Variants in CRYBG2 observed in about 807,000 individuals in gnomAD.
CRYBG2 encodes the protein crystallin beta-gamma domain containing 2.
Under a neutral mutation model 153.4 loss-of-function variants are expected in CRYBG2, and 106 were observed. That is an observed-to-expected ratio of 0.69 (90% CI 0.59 to 0.81). The LOEUF (loss-of-function observed/expected upper bound fraction) is 0.81, where lower values mean the gene tolerates loss of function less well. Ranked by LOEUF, CRYBG2 falls within the 30% of genes least tolerant of loss-of-function variation. The pLI, the probability that CRYBG2 is intolerant of heterozygous loss-of-function variation, is 0.00. For missense variants in CRYBG2, 1,996 were observed against 2,112.0 expected (o/e 0.95, Z 1.08); for synonymous variants, 851 against 877.8 (o/e 0.97, Z 0.54).
chr1:26,334,867 A>T (rs2074035937), intron 14 of CRYBG2, among the ~76,000 whole-genome samples: 1 of 152,150 alleles, frequency 6.6e-6, no homozygotes, highest in African/African-American at 2.4e-5. Flanking sequence ...GGCTGCAGTG[A>T]GCTGAGACAG....
At chr1:26,331,434 C>T in intron 15 of CRYBG2, 55 bp downstream of exon 15, 6 of 1,590,496 alleles carry the variant, frequency 3.8e-6, no homozygotes, top group Non-Finnish European at 4.3e-6. Context: ...TCCAGAAGTC[C>T]CACAGCAGCA....
rs1353329122 is a variant in CRYBG2 at position 26,336,158 on chromosome 1, T to G, written c.4121A>C (p.Glu1374Ala). ...PDFLGDHFSF[E>A]DDQAALPASF... The stretch of plus-strand genomic sequence containing the variant: ...GGCGGGCAGAGCGGCCTGGTCATCT[T>G]CGAAAGAGAAGTGGTCGCCCAGAAA... Residue 1374 changes from glutamate (E) to alanine (A), a missense_variant, in exon 14 of 20, where the codon GAA (glutamate) becomes GCA (alanine). Physicochemically the swap from Glu to Ala is moderately radical, Grantham distance 107. Coordinates refer to ENST00000308182, the MANE Select transcript of CRYBG2 (RefSeq NM_001039775.4). This position sits in a 1 kb window ranked among gnomAD's most constrained non-coding sequence, Gnocchi z 4.9. The G allele has an allele frequency of 1.3e-6, 2 of 1,545,150 alleles. No homozygotes were observed. Among genetic ancestry groups the G allele is most frequent in the East Asian group, 4.8e-5 (2 of 41,368 alleles).
rs1305399244 is a variant in CRYBG2 at position 26,328,308 on chromosome 1, G to A, written c.4479C>T (p.Asp1493=). 6.4e-7 allele frequency: 1 copy of A among 1,572,226 alleles called. No homozygotes were observed. The highest frequency in any genetic ancestry group is 1.8e-5 in the Admixed American group (1 of 54,662). Reference sequence around the variant, plus strand: ...CCACCAGCCACTGGCGGCCCCGGAAGTCACTGTGTTCACATAGCACCCAAC... The same window carrying A: ...CCACCAGCCACTGGCGGCCCCGGAAATCACTGTGTTCACATAGCACCCAAC... ...GGIWVLCEHS[D]FRGRQWLVGS... is the part of the protein sequence containing the mutation. The change falls in exon 17 of 20, where the codon GAC becomes GAT. Residue 1493 remains aspartate (D), a synonymous_variant. Transcript: ENST00000308182.
chr1:26,351,691 C>T (rs1049665701), intron 1 of CRYBG2, among the ~76,000 whole-genome samples: 1 of 152,194 alleles, frequency 6.6e-6, no homozygotes, highest in Non-Finnish European at 1.5e-5. Context: ...CCCTGGACAA[C>T]ACCCCTGATA....
At chr1:26,348,703 G>A (rs929237372) in intron 1 of CRYBG2, among the ~76,000 whole-genome samples, 4 of 151,976 alleles carry the variant, frequency 2.6e-5, no homozygotes, top group African/African-American at 9.7e-5. Context: ...TTACAGGCAT[G>A]TGCCACCATG....
At chr1:26,348,417 C>T (rs1250829741) in intron 1 of CRYBG2, among the ~76,000 whole-genome samples, 1 of 152,086 alleles carries the variant, frequency 6.6e-6, no homozygotes, top group Non-Finnish European at 1.5e-5. Context: ...AAAGAATTAG[C>T]CAGCATGGTG....
chr1:26,352,821 C>T (rs550564394), intron 1 of CRYBG2, among the ~76,000 whole-genome samples: 1 of 151,178 alleles, frequency 6.6e-6, no homozygotes, highest in Non-Finnish European at 1.5e-5. Context: ...GCCCTTGTCC[C>T]CCAGCCCCTG....
At position 26,346,482 on chromosome 1, in the gene CRYBG2, C is replaced by A. The variant is rs370067840; in HGVS notation, c.176G>T (p.Arg59Leu). The A allele has an allele frequency of 1.2e-6, 2 of 1,611,154 alleles. No homozygotes were observed. Among genetic ancestry groups the A allele is most frequent in the African/African-American group, 1.3e-5 (1 of 75,038 alleles). ...APQKEMFEFSRREEVEVNGFA... is the reference protein window; with the variant it reads ...APQKEMFEFSLREEVEVNGFA... ...GCCATTGACTTCCACTTCCTCTCGA[C>A]GGCTGAACTCAAACATCTCCTTCTG... The change falls in exon 2 of 20, where the codon CGT becomes CTT. Residue 59 changes from arginine (R) to leucine (L), a missense_variant. Physicochemically the swap from Arg to Leu is moderately radical, Grantham distance 102 (BLOSUM62 -2). Transcript: ENST00000308182. This position sits in a 1 kb window ranked among gnomAD's most constrained non-coding sequence, Gnocchi z 4.9.
At position 26,345,884 on chromosome 1, in the gene CRYBG2, A is replaced by G. The variant is rs1161318657; in HGVS notation, c.774T>C (p.Ala258=). 3.8e-6 allele frequency: 6 copies of G among 1,597,624 alleles called. No homozygotes were observed. The highest frequency in any genetic ancestry group is 5.1e-6 in the Non-Finnish European group (6 of 1,179,584). Residue 258 remains alanine (A), a synonymous_variant, in exon 2 of 20, where the codon GCT becomes GCC. Coordinates refer to ENST00000308182, the MANE Select transcript of CRYBG2 (RefSeq NM_001039775.4). ...CCAGACCTGTGCTCCTTGGCCCGCC[A>G]GCCGTGGGCCTGGGCAGGTGACTGG... ...PPASHLPRPT[A]GGPRSTGLGS... is the part of the protein sequence containing the mutation.
In CRYBG2 at chr1:26,336,420, C is replaced by T. The variant is rs758654385; in HGVS notation, c.4039-50G>A. The T allele has an allele frequency of 7.5e-6, 12 of 1,602,566 alleles. No individual in the cohort carries two copies. The East Asian group carries it at 1.6e-4, about 21-fold the overall frequency. The stretch of plus-strand genomic sequence containing the variant: ...ATTAGGGAGGGTGCCGGCCCCTAGC[C>T]TTGTCTTCTCTAGGTTTCAGTACCG... On this transcript the variant is annotated intron_variant, in intron 12 of 19. Coordinates refer to ENST00000308182, the MANE Select transcript of CRYBG2 (RefSeq NM_001039775.4). The surrounding 1 kb of genome is among the most constrained non-coding windows in gnomAD (Gnocchi z 4.9).
chr1:26,345,818 G>T lies in CRYBG2; in HGVS notation c.840C>A (p.Thr280=). Reference sequence around the variant, plus strand: ...AGCTGTCTTTAAGCTCTGCTGTCCCGGTCTCAGGCAGCTGCCTCAAGGCTG... The same window carrying T: ...AGCTGTCTTTAAGCTCTGCTGTCCCTGTCTCAGGCAGCTGCCTCAAGGCTG... ...VGAALRQLPE[T]GTAELKDSSA... Residue 280 remains threonine, a synonymous_variant, in exon 2 of 20, where the codon ACC becomes ACA. Coordinates refer to ENST00000308182, the MANE Select transcript of CRYBG2 (RefSeq NM_001039775.4). 1 of 1,596,476 alleles carries T rather than the reference G, an allele frequency of 6.3e-7. No individual in the cohort carries two copies. Among genetic ancestry groups the T allele is most frequent in the Non-Finnish European group, 8.5e-7 (1 of 1,179,084 alleles).
rs746392838 is a variant in CRYBG2, at chr1:26,337,681, G to A, written c.3508-7C>T. 1.5e-5 allele frequency: 24 copies of A among 1,609,476 alleles called. No individual in the cohort carries two copies. The African/African-American group carries it at 2.1e-4, about 14-fold the overall frequency. ...GGGCCTCATACACCACAGCCTGGGG[G>A]AAAGGGGCTGTCAGGAGTCATCTGG... On this transcript the variant is annotated splice_polypyrimidine_tract_variant and splice_region_variant and intron_variant, in intron 8 of 19. Coordinates refer to ENST00000308182, the MANE Select transcript of CRYBG2 (RefSeq NM_001039775.4).
chr1:26,345,681 C>T lies in CRYBG2; in HGVS notation c.977G>A (p.Cys326Tyr), dbSNP rs752920418. ...DQGRAPDARA[C>Y]ELWQVLGAPS... ...GGCTCCCAGCACCTGCCAGAGCTCA[C>T]AGGCCCTGGCATCCGGGGCTCTGCC... is the stretch of plus-strand genomic sequence containing the variant. Residue 326 changes from cysteine to tyrosine, a missense_variant, in exon 2 of 20, where the codon TGT becomes TAT. By Grantham distance (194) the Cys-to-Tyr change is radical. Coordinates refer to ENST00000308182, the MANE Select transcript of CRYBG2 (RefSeq NM_001039775.4). 10 of 1,598,500 alleles carry T rather than the reference C, an allele frequency of 6.3e-6. No homozygotes were observed. In the Admixed American group the frequency reaches 1.2e-4, roughly 19 times the overall value.
chr1:26,337,473 A>C, intron 9 of CRYBG2, 65 bp downstream of exon 9: 3 of 1,601,592 alleles, frequency 1.9e-6, no homozygotes, highest in East Asian at 2.2e-5. Context: ...AGCCCAGGTC[A>C]CTCCCCACTC....
At chr1:26,330,581 C>T (rs996757635) in intron 15 of CRYBG2, among the ~76,000 whole-genome samples, 2 of 149,372 alleles carry the variant, frequency 1.3e-5, no homozygotes, top group African/African-American at 5.0e-5. Context: ...TTCTGTCACC[C>T]AGGCTGGAGT....
At position 26,351,625 on chromosome 1, in the gene CRYBG2, T is replaced by G. The variant is rs142363477; in HGVS notation, c.-56+2411A>C. Among the ~76,000 whole-genome samples, 221 of 152,282 alleles carry G rather than the reference T, an allele frequency of 1.5e-3. 2 individuals are homozygous for G. The highest frequency in any genetic ancestry group is 2.4e-3 in the Non-Finnish European group (165 of 68,026). ...GGAGGCGGCCGATCATGAGATCAGA[T>G]ATTGTCGATGACCTCCTACCAATCA... On this transcript the variant is annotated intron_variant, in intron 1 of 19. Transcript: ENST00000308182.
chr1:26,322,694 G>A (rs554212446), intron 18 of CRYBG2, among the ~76,000 whole-genome samples: 1 of 152,264 alleles, frequency 6.6e-6, no homozygotes, highest in African/African-American at 2.4e-5. Flanking sequence ...GTAAAATGGG[G>A]AGTATAAAAA....
intron 14 of CRYBG2, among the ~76,000 whole-genome samples, 166 bp downstream of exon 14, chr1:26,335,929 T>C (rs896184456): frequency 5.3e-5 from 8 of 152,364 alleles, no homozygotes; most frequent in Non-Finnish European, 1.2e-4. Flanking sequence ...TTATACAATC[T>C]ACAGTTTTAC....
chr1:26,350,404 G>A (rs1249392603), intron 1 of CRYBG2, among the ~76,000 whole-genome samples: 8 of 152,200 alleles, frequency 5.3e-5, no homozygotes, highest in Non-Finnish European at 1.2e-4. Context: ...ACCTTGCTAA[G>A]TGCTTTAGAT....
Sources: gnomAD v4.1 joint callset for allele counts (sites outside exome capture counted in the v4.1 genomes callset) on GRCh38, gnomAD v4.1.1 for gene constraint, Gnocchi (gnomAD v3.1) non-coding constraint, MANE v1.5 for transcripts, NCBI Gene and HGNC (gene_info 2026-07-23, HGNC 2026-07-21) for gene names.